The following CAST variants were observed in gnomAD, a reference collection of about 807,000 sequenced individuals.
CAST encodes MIR583 host.
In CAST, 76 loss-of-function variants were observed where a neutral mutation model predicts 119.6. That is an observed-to-expected ratio of 0.64 (90% CI 0.53 to 0.77). The LOEUF (loss-of-function observed/expected upper bound fraction) is 0.77, where lower values mean the gene tolerates loss of function less well. CAST is among the 30% of genes least tolerant of loss of function. The pLI, the probability that CAST is intolerant of heterozygous loss-of-function variation, is 0.00. For missense variants in CAST, 953 were observed against 946.5 expected (o/e 1.01, Z -0.09); for synonymous variants, 319 against 331.6 (o/e 0.96, Z 0.41).
At chr5:96,449,990 T>A in the CAST span, among the ~76,000 whole-genome samples, 1 of 152,238 alleles carries the variant, frequency 6.6e-6, no homozygotes, top group Non-Finnish European at 1.5e-5. Context: ...ATGCCTGAAA[T>A]GTACCCCCAT....
intron 1 of CAST, among the ~76,000 whole-genome samples, chr5:96,606,218 A>G (rs1172724149): frequency 1.3e-5 from 2 of 152,206 alleles, no homozygotes; most frequent in East Asian, 1.9e-4. Context: ...GCATCAGCCA[A>G]TGTGGACAAC....
chr5:96,557,015 C>A (rs1746256014), intron 1 of CAST, among the ~76,000 whole-genome samples: 1 of 152,092 alleles, frequency 6.6e-6, no homozygotes, highest in South Asian at 2.1e-4. Context: ...GATCTCTCGG[C>A]AGAAACTCTA....
chr5:95,982,311 TTGTG>T, the CAST span, among the ~76,000 whole-genome samples: 12 of 148,696 alleles, frequency 8.1e-5, no homozygotes, highest in African/African-American at 1.5e-4. Context: ...TTGTATTCAA[TTGTG>T]TGTGTGTGTG....
chr5:96,703,240 C>T (rs1754238683), intron 3 of CAST, among the ~76,000 whole-genome samples: 3 of 152,102 alleles, frequency 2.0e-5, no homozygotes, highest in South Asian at 2.1e-4. Flanking sequence ...ACAAGTGGCC[C>T]GAGACAAGTG....
At chr5:96,457,292 G>A in the CAST span, among the ~76,000 whole-genome samples, 5 of 152,148 alleles carry the variant, frequency 3.3e-5, no homozygotes, top group East Asian at 7.7e-4. Context: ...TTAAACTACC[G>A]AAACAACACT....
chr5:96,578,265 G>C (rs926734042), intron 1 of CAST, among the ~76,000 whole-genome samples: 9 of 149,896 alleles, frequency 6.0e-5, no homozygotes, highest in Admixed American at 6.8e-5. Context: ...GTTAATGTTT[G>C]CATGATAATC....
At chr5:96,111,303 G>A in the CAST span, among the ~76,000 whole-genome samples, 14 of 152,196 alleles carry the variant, frequency 9.2e-5, no homozygotes, top group East Asian at 1.9e-4. Flanking sequence ...TTCTGTATCC[G>A]TGGAATTTTG....
intron 1 of CAST, among the ~76,000 whole-genome samples, chr5:96,595,606 A>G (rs1747038913): frequency 6.6e-6 from 1 of 152,202 alleles, no homozygotes; most frequent in Non-Finnish European, 1.5e-5. Flanking sequence ...AAGCAGAGAC[A>G]GTGATGGGCT....
At chr5:96,240,735 CTTTTTTTT>C in the CAST span, among the ~76,000 whole-genome samples, 1 of 102,444 alleles carries the variant, frequency 9.8e-6, no homozygotes. Flanking sequence ...AGCTAACTTT[CTTTTTTTT>C]TTTTTTTTTT....
the CAST span, among the ~76,000 whole-genome samples, chr5:95,974,559 G>A: frequency 6.6e-6 from 1 of 152,176 alleles, no homozygotes; most frequent in Non-Finnish European, 1.5e-5. Flanking sequence ...CTGATATTCT[G>A]CAAAAGGCAA....
At chr5:96,305,836 G>T in the CAST span, among the ~76,000 whole-genome samples, 1 of 152,186 alleles carries the variant, frequency 6.6e-6, no homozygotes, top group Non-Finnish European at 1.5e-5. Context: ...TATTTGATGT[G>T]CTGCTAGATT....
the CAST span, among the ~76,000 whole-genome samples, chr5:96,103,640 G>A: frequency 6.6e-6 from 1 of 151,852 alleles, no homozygotes; most frequent in South Asian, 2.1e-4. Flanking sequence ...TTGCTATTGT[G>A]AATAATGCCA....
the CAST span, among the ~76,000 whole-genome samples, chr5:96,274,177 T>A: frequency 6.6e-6 from 1 of 151,760 alleles, no homozygotes; most frequent in Admixed American, 6.6e-5. Flanking sequence ...TCTTGGCTCA[T>A]TGCAAGCTCC....
chr5:96,662,546 G>A, intron 1 of CAST, 49 bp downstream of exon 1: 1 of 1,334,758 alleles, frequency 7.5e-7, no homozygotes, highest in Non-Finnish European at 9.5e-7. Flanking sequence ...TGGGGTACCG[G>A]GTCCCGGAGC....
chr5:96,444,312 TC>T, the CAST span, among the ~76,000 whole-genome samples: 22 of 152,260 alleles, frequency 1.4e-4, no homozygotes, highest in Non-Finnish European at 3.1e-4. Context: ...GAAGTAAGAC[TC>T]ATTTAATTTA....
chr5:96,043,210 C>A, the CAST span, among the ~76,000 whole-genome samples: 2 of 152,096 alleles, frequency 1.3e-5, no homozygotes, highest in African/African-American at 2.4e-5. Context: ...TCAAAATCAA[C>A]TATGTTCTTC....
chr5:96,199,197 T>C, the CAST span, among the ~76,000 whole-genome samples: 1 of 152,180 alleles, frequency 6.6e-6, no homozygotes, highest in Non-Finnish European at 1.5e-5. Flanking sequence ...ATGATTTCTC[T>C]CTCACAAGAT....
At chr5:96,254,463 GC>G in the CAST span, among the ~76,000 whole-genome samples, 1 of 151,924 alleles carries the variant, frequency 6.6e-6, no homozygotes, top group African/African-American at 2.4e-5. Flanking sequence ...TCTTCAAGTA[GC>G]TTTTATTTCT....
chr5:96,707,068 ACCTGCC>A (rs1346408520), intron 3 of CAST, among the ~76,000 whole-genome samples: 1 of 152,222 alleles, frequency 6.6e-6, no homozygotes, highest in East Asian at 1.9e-4. Context: ...AATCAGAATA[ACCTGCC>A]CCTGAATTCT....
Sources: allele counts gnomAD v4.1 joint callset (sites outside exome capture counted in the v4.1 genomes callset), GRCh38; gene constraint gnomAD v4.1.1; transcripts MANE v1.5; gene names NCBI Gene and HGNC (gene_info 2026-07-23, HGNC 2026-07-21).